KLC2: variants seen among roughly 807,000 people sequenced by gnomAD.
KLC2 encodes the protein KLC 2.
Under a neutral mutation model 75.1 loss-of-function variants are expected in KLC2, and 35 were observed. The observed-to-expected ratio is 0.47, with a 90% CI of 0.36 to 0.62. The LOEUF (loss-of-function observed/expected upper bound fraction) is 0.62, where lower values mean the gene tolerates loss of function less well. Ranked by LOEUF, KLC2 falls within the 20% of genes least tolerant of loss-of-function variation. The probability of loss-of-function intolerance (pLI) is 0.00; values close to 1 mark genes in which losing one functional copy is unlikely to be tolerated. For synonymous variants in KLC2, 314 were observed against 336.7 expected (o/e 0.93, Z 0.74); for missense variants, 611 against 833.2 (o/e 0.73, Z 3.28).
At chr11:66,249,574 C>T in the KLC2 span, among the ~76,000 whole-genome samples, 1 of 152,162 alleles carries the variant, frequency 6.6e-6, no homozygotes, top group South Asian at 2.1e-4. Flanking sequence ...TTTATTTCAT[C>T]GAGTCCTTAA....
chr11:66,253,005 C>CTTT (rs34358719), upstream of KLC2, among the ~76,000 whole-genome samples: 7 of 122,892 alleles, frequency 5.7e-5, no homozygotes, highest in Admixed American at 2.5e-4. Context: ...AATGTGCTGA[C>CTTT]TTTTTTTTTT....
the KLC2 span, among the ~76,000 whole-genome samples, chr11:66,248,510 G>A: frequency 6.6e-6 from 1 of 152,050 alleles, no homozygotes. Context: ...GCAGCTACTC[G>A]GGAGGCTGAG....
chr11:66,266,743 G>A (rs1856858819), intron 15 of KLC2, 130 bp from the exon 16 acceptor site: 1 of 1,003,974 alleles, frequency 1.0e-6, no homozygotes, highest in Non-Finnish European at 1.6e-6. Flanking sequence ...GTGGCCTTGG[G>A]TCAGAACTGC....
chr11:66,264,611 CAT>C (rs1241731873), intron 9 of KLC2, among the ~76,000 whole-genome samples, 167 bp downstream of exon 9: 9 of 152,206 alleles, frequency 5.9e-5, no homozygotes, highest in South Asian at 2.1e-4. Context: ...CGTTTGCACA[CAT>C]GAGCACACAC....
At chr11:66,255,956 G>A (rs181815832), upstream of KLC2, among the ~76,000 whole-genome samples, 4 of 152,150 alleles carry the variant, frequency 2.6e-5, no homozygotes, top group East Asian at 7.8e-4. Context: ...AGTAGAGACA[G>A]GGTTTCACTA....
At chr11:66,265,430 C>T (rs1856754266) in intron 11 of KLC2, 195 bp downstream of exon 11, 7 of 674,130 alleles carry the variant, frequency 1.0e-5, no homozygotes, top group South Asian at 5.9e-5. Flanking sequence ...GCTTTTGGTC[C>T]TGGTGACAAC....
intron 14 of KLC2, 43 bp from the exon 15 acceptor site, chr11:66,266,390 G>A (rs1384057782): frequency 6.4e-7 from 1 of 1,562,892 alleles, no homozygotes; most frequent in Non-Finnish European, 8.7e-7. Context: ...CATCTCCCGT[G>A]AGTTCCTCCT....
rs1856649049 is a variant in KLC2, at chr11:66,264,236, A to G, written c.1116+17A>G. On this transcript the variant is annotated intron_variant, in intron 8 of 15. Coordinates refer to ENST00000394067, the MANE Select transcript of KLC2 (RefSeq NM_001318734.2). ...AACAACCTGGTACCTTGGGGCTGAG[A>G]GGAGCTGGAGGATGGGAAGGAGGGA... The G allele has an allele frequency of 6.4e-7, 1 of 1,567,270 alleles. No homozygotes were observed. The highest frequency in any genetic ancestry group is 8.7e-7 in the Non-Finnish European group (1 of 1,154,898).
rs754160371 is a variant in KLC2 at position 66,266,101 on chromosome 11, T to C, written c.1611T>C (p.Ser537=). 1.9e-6 allele frequency: 3 copies of C among 1,614,054 alleles called. No individual in the cohort carries two copies. Among genetic ancestry groups the C allele is most frequent in the South Asian group, 1.1e-5 (1 of 91,086 alleles). Residue 537 remains serine (S), a synonymous_variant, in exon 14 of 16, where the codon AGT becomes AGC. Coordinates refer to ENST00000394067, the MANE Select transcript of KLC2 (RefSeq NM_001318734.2). The part of the protein sequence containing the change: ...GPTAEWNGDG[S]GSLRRSGSFG... ...AGCCTGTCCACCTGCAGGATGGCAG[T>C]GGCTCCTTGAGGCGCAGCGGTTCCT... is the stretch of plus-strand genomic sequence containing the variant.
chr11:66,264,769 C>T (rs1347469055), intron 9 of KLC2: 2 of 588,348 alleles, frequency 3.4e-6, no homozygotes, highest in East Asian at 5.7e-5. Flanking sequence ...GGTCAGTCAT[C>T]TGCTCCTGAG....
chr11:66,265,871 C>A lies in KLC2; in HGVS notation c.1461C>A (p.Ser487Arg). ...TCCCTCAGGGTTTGGACCCCGCAAGCCAGACCAAGGTGGTAGAACTGCTGA... is the reference window on the plus strand; with the variant it reads ...TCCCTCAGGGTTTGGACCCCGCAAGACAGACCAAGGTGGTAGAACTGCTGA... ...RNRKQGLDPA[S>R]QTKVVELLKD... Residue 487 changes from serine (S) to arginine (R), a missense_variant, in exon 13 of 16, where the codon AGC (serine) becomes AGA (arginine). Coordinates refer to ENST00000394067, the MANE Select transcript of KLC2 (RefSeq NM_001318734.2). 1.3e-6 allele frequency: 2 copies of A among 1,575,574 alleles called. No individual in the cohort carries two copies. The highest frequency in any genetic ancestry group is 1.2e-5 in the South Asian group (1 of 85,274).
upstream of KLC2, chr11:66,257,564 CGGGGCTGGCGGGCCCT>C (rs1342996206): frequency 6.6e-6 from 1 of 152,200 alleles, no homozygotes; most frequent in East Asian, 1.9e-4. Flanking sequence ...GGGCACCCCT[CGGGGCTGGCGGGCCCT>C]GGGAACTGCG....
chr11:66,254,606 A>C (rs533906663), upstream of KLC2, among the ~76,000 whole-genome samples: 28 of 145,914 alleles, frequency 1.9e-4, 1 homozygote, highest in South Asian at 6.2e-3. Flanking sequence ...TCAAGGCTGC[A>C]GTGAACTATG....
Position 66,265,174 on chromosome 11 carries a change from C to T in KLC2, c.1273C>T (p.Arg425Cys), listed in dbSNP as rs1167051146. 5.0e-6 allele frequency: 8 copies of T among 1,600,670 alleles called. No homozygotes were observed. The highest frequency in any genetic ancestry group is 3.4e-5 in the Admixed American group (2 of 59,658). Residue 425 changes from arginine to cysteine, a missense_variant, in exon 11 of 16, where the codon CGC becomes TGC. Arg to Cys is a radical substitution (Grantham distance 180). Transcript: ENST00000394067. The stretch of plus-strand genomic sequence containing the variant: ...TGACCATTCTTTCCTCCAGGATAAG[C>T]GCCGGGACAGCGCCCCCTATGGGGA... ...AEEREESKDK[R>C]RDSAPYGEYG...
chr11:66,263,655 C>T lies in KLC2; in HGVS notation c.753-5C>T. The T allele has an allele frequency of 6.2e-7, 1 of 1,611,284 alleles. No homozygotes were observed. The highest frequency in any genetic ancestry group is 8.5e-7 in the Non-Finnish European group (1 of 1,177,562). On this transcript the variant is annotated splice_polypyrimidine_tract_variant and splice_region_variant and intron_variant, in intron 5 of 15. Coordinates refer to ENST00000394067, the MANE Select transcript of KLC2 (RefSeq NM_001318734.2). ...AGCCCTGACCATGCTCCTACCTGCTCCCAGGGATCAGAACAAGTACAAGGA... is the reference window on the plus strand; with the variant it reads ...AGCCCTGACCATGCTCCTACCTGCTTCCAGGGATCAGAACAAGTACAAGGA...
At chr11:66,263,815 G>A (rs778523101) in intron 6 of KLC2, 36 bp from the exon 7 acceptor site, 30 of 1,606,672 alleles carry the variant, frequency 1.9e-5, no homozygotes, top group Non-Finnish European at 2.5e-5. Flanking sequence ...GTCCTGCAGG[G>A]CCTGAGTCAA....
the KLC2 span, among the ~76,000 whole-genome samples, chr11:66,249,906 G>T: frequency 2.2e-4 from 33 of 152,178 alleles, no homozygotes; most frequent in Non-Finnish European, 4.4e-4. Context: ...TATAAGCCAG[G>T]GTACCTTCCT....
chr11:66,245,120 T>G, the KLC2 span: 1 of 152,172 alleles, frequency 6.6e-6, no homozygotes, highest in Admixed American at 6.5e-5. Flanking sequence ...CCTCTGCAGG[T>G]GGAGGGAATA....
chr11:66,250,217 T>G, the KLC2 span, among the ~76,000 whole-genome samples: 1 of 152,162 alleles, frequency 6.6e-6, no homozygotes, highest in African/African-American at 2.4e-5. Flanking sequence ...GAGTTCACTA[T>G]TACCTGCAGC....
Sources: gnomAD v4.1 joint callset for allele counts (sites outside exome capture counted in the v4.1 genomes callset) on GRCh38, gnomAD v4.1.1 for gene constraint, MANE v1.5 for transcripts, NCBI Gene and HGNC (gene_info 2026-07-23, HGNC 2026-07-21) for gene names.